Variants in LMTK2 observed in about 807,000 individuals in gnomAD.
The protein encoded by LMTK2 is lemur tail kinase 2.
In LMTK2, 37 loss-of-function variants were observed where a neutral mutation model predicts 127.5. The ratio of observed to expected loss-of-function variants is 0.29; its 90% confidence interval spans 0.22 to 0.38. The LOEUF (loss-of-function observed/expected upper bound fraction) is 0.38. LMTK2 is among the 10% of genes least tolerant of loss of function. The pLI is 1.00. For synonymous variants in LMTK2, 819 were observed against 810.1 expected (o/e 1.01, Z -0.19); for missense variants, 1,694 against 1,920.3 (o/e 0.88, Z 2.20).
rs1363623084 is a variant in LMTK2, at chr7:98,194,501, C to G, written c.4036C>G (p.Pro1346Ala). 3 of 1,613,468 alleles carry G rather than the reference C, an allele frequency of 1.9e-6. No homozygotes were observed. Among genetic ancestry groups the G allele is most frequent in the Admixed American group, 1.7e-5 (1 of 60,008 alleles). Residue 1346 changes from proline (P) to alanine (A), a missense_variant, in exon 11 of 14, where the codon CCC becomes GCC. By Grantham distance (27) the Pro-to-Ala change is conservative (BLOSUM62 -1). This residue lies in a region of LMTK2 where 554 missense variants were observed against 567.7 expected (regional missense o/e 0.98). Transcript: ENST00000297293. The surrounding 1 kb of genome is among the most constrained non-coding windows in gnomAD (Gnocchi z 5.4). Reference protein sequence around the residue: ...PTAANAPDPLPEDWKKEKKAV... With the variant: ...PTAANAPDPLAEDWKKEKKAV... ...AGCGGCCAATGCCCCCGACCCACTG[C>G]CCGAGGACTGGAAGAAGGAAAAGAA...
chr7:98,204,110 C>A lies in LMTK2; in HGVS notation c.4407C>A (p.Ser1469=), dbSNP rs200365227. The A allele has an allele frequency of 1.4e-5, 22 of 1,612,860 alleles. No homozygotes were observed. Among genetic ancestry groups the A allele is most frequent in the Non-Finnish European group, 1.8e-5 (21 of 1,180,030 alleles). ...EQSWPHSAPY[S]RFSISPANIA... Reference sequence around the variant, plus strand: ...GCTGGCCGCACTCGGCGCCTTACTCCCGGTTCTCCATCTCTCCCGCCAACA... The same window carrying A: ...GCTGGCCGCACTCGGCGCCTTACTCACGGTTCTCCATCTCTCCCGCCAACA... The change falls in exon 13 of 14, where the codon TCC becomes TCA. Residue 1469 remains serine, a synonymous_variant. Coordinates refer to ENST00000297293, the MANE Select transcript of LMTK2 (RefSeq NM_014916.4).
At chr7:98,176,564 G>A (rs191904218) in intron 7 of LMTK2, among the ~76,000 whole-genome samples, 87 of 152,226 alleles carry the variant, frequency 5.7e-4, no homozygotes, top group African/African-American at 2.0e-3. Flanking sequence ...ATAATAATAG[G>A]CCAGGCACAG....
intron 6 of LMTK2, among the ~76,000 whole-genome samples, chr7:98,169,189 C>T (rs1797148914): frequency 6.6e-6 from 1 of 152,176 alleles, no homozygotes; most frequent in Admixed American, 6.5e-5. Context: ...CCATGAGAAC[C>T]ATGACCAGGG....
intron 1 of LMTK2, among the ~76,000 whole-genome samples, chr7:98,123,582 A>G (rs1489539650): frequency 6.6e-6 from 1 of 151,928 alleles, no homozygotes. Flanking sequence ...AGATCTGAAC[A>G]GTTGTAAAGC....
intron 7 of LMTK2, among the ~76,000 whole-genome samples, chr7:98,182,864 A>G (rs931140364): frequency 1.3e-5 from 2 of 152,222 alleles, no homozygotes; most frequent in African/African-American, 2.4e-5. Flanking sequence ...AAGCTTTCCA[A>G]TTGTCTGAAT....
At chr7:98,164,012 A>T (rs1797052412) in intron 6 of LMTK2, among the ~76,000 whole-genome samples, 1 of 152,264 alleles carries the variant, frequency 6.6e-6, no homozygotes, top group Non-Finnish European at 1.5e-5. Context: ...TCTCCCAAGT[A>T]GAAAGGAGAA....
intron 1 of LMTK2, among the ~76,000 whole-genome samples, chr7:98,116,598 AT>A (rs1021821540): frequency 2.6e-5 from 4 of 151,862 alleles, no homozygotes; most frequent in African/African-American, 9.7e-5. Flanking sequence ...ACAATTTTAG[AT>A]TTACAGAAAC....
chr7:98,158,958 T>G (rs1487345187), intron 5 of LMTK2, among the ~76,000 whole-genome samples: 1 of 152,142 alleles, frequency 6.6e-6, no homozygotes, highest in African/African-American at 2.4e-5. Context: ...TTTGGCCAGC[T>G]GAGGTGGCAG....
rs975817256 is a variant in LMTK2 at position 98,159,395 on chromosome 7, C to T, written c.627C>T (p.Pro209=). 8.7e-6 allele frequency: 14 copies of T among 1,611,964 alleles called. No homozygotes were observed. Among genetic ancestry groups the T allele is most frequent in the Admixed American group, 1.7e-5 (1 of 59,646 alleles). ...TTGGACAGTGCGTAGAAGCGATTCC[C>T]TACCTCCTGGTGTTTGAGTTCTGTG... is the stretch of plus-strand genomic sequence containing the variant. ...QCVGQCVEAI[P]YLLVFEFCDL... is the part of the protein sequence containing the mutation. Residue 209 remains proline (P), a synonymous_variant, in exon 6 of 14, where the codon CCC becomes CCT. Coordinates refer to ENST00000297293, the MANE Select transcript of LMTK2 (RefSeq NM_014916.4).
At chr7:98,191,230 G>C (rs1375730623) in intron 10 of LMTK2, among the ~76,000 whole-genome samples, 1 of 152,126 alleles carries the variant, frequency 6.6e-6, no homozygotes, top group African/African-American at 2.4e-5. Context: ...TTACAAGTGT[G>C]AGCCAGGGTG....
intron 3 of LMTK2, among the ~76,000 whole-genome samples, chr7:98,149,560 A>C (rs923696976): frequency 6.6e-6 from 1 of 152,230 alleles, no homozygotes; most frequent in South Asian, 2.1e-4. Flanking sequence ...GAACAACTGG[A>C]TATTCATTGG....
rs374781981 is a variant in LMTK2 at position 98,152,642 on chromosome 7, G to T, written c.450+1187G>T. ...CACAGCAAACAGTCAATTGTGGGAG[G>T]TGGGCTCAGAGAGGTAGAGGGCAGG... On this transcript the variant is annotated intron_variant, in intron 4 of 13. Transcript: ENST00000297293. Among the ~76,000 whole-genome samples, 20 of 152,296 alleles carry T rather than the reference G, an allele frequency of 1.3e-4. No homozygotes were observed. In the East Asian group the frequency reaches 3.5e-3, roughly 26 times the overall value.
intron 1 of LMTK2, among the ~76,000 whole-genome samples, chr7:98,113,565 C>T (rs1796234541): frequency 6.6e-6 from 1 of 152,114 alleles, no homozygotes; most frequent in African/African-American, 2.4e-5. Context: ...CTGGCCCTTT[C>T]TCATTTAAAA....
chr7:98,118,906 CATG>C (rs1024108300), intron 1 of LMTK2, among the ~76,000 whole-genome samples: 1 of 152,092 alleles, frequency 6.6e-6, no homozygotes, highest in African/African-American at 2.4e-5. Context: ...TCCTGGCTAA[CATG>C]GTGAAACCGC....
At chr7:98,137,138 C>A (rs1431513284) in intron 1 of LMTK2, among the ~76,000 whole-genome samples, 177 bp from the exon 2 acceptor site, 3 of 152,176 alleles carry the variant, frequency 2.0e-5, no homozygotes, top group African/African-American at 7.2e-5. Flanking sequence ...CTCTGTAAAT[C>A]TAAATTATTT....
chr7:98,192,452 G>A lies in LMTK2; in HGVS notation c.1987G>A (p.Asp663Asn), dbSNP rs202036044. ...AATGGAATTAAACGGAGTTCAAGCC[G>A]ACTTTAAACCTGCCACTTTAAGTTC... ...DLMELNGVQA[D>N]FKPATLSSSL... Residue 663 changes from aspartate to asparagine, a missense_variant, in exon 11 of 14, where the codon GAC (aspartate) becomes AAC (asparagine). Asp to Asn is a conservative substitution (Grantham distance 23). Transcript: ENST00000297293. The A allele has an allele frequency of 1.4e-5, 23 of 1,612,844 alleles. No individual in the cohort carries two copies. Among genetic ancestry groups the A allele is most frequent in the Non-Finnish European group, 1.9e-5 (22 of 1,179,774 alleles).
At chr7:98,179,615 C>T (rs918168094) in intron 7 of LMTK2, among the ~76,000 whole-genome samples, 33 of 113,102 alleles carry the variant, frequency 2.9e-4, no homozygotes, top group Admixed American at 1.8e-3. Context: ...CCCTCCCTTT[C>T]TCCCTCCCTC....
chr7:98,122,235 C>CG (rs1438897007), intron 1 of LMTK2, among the ~76,000 whole-genome samples: 1 of 151,140 alleles, frequency 6.6e-6, no homozygotes, highest in Non-Finnish European at 1.5e-5. Context: ...GTTTTTGTTT[C>CG]GGGGGGTGCA....
intron 11 of LMTK2, among the ~76,000 whole-genome samples, chr7:98,197,546 C>T (rs142057756): frequency 2.0e-5 from 3 of 152,314 alleles, no homozygotes; most frequent in Admixed American, 6.5e-5. Flanking sequence ...CAGCCTGATC[C>T]GTCATACTGT....
Sources: allele counts gnomAD v4.1 joint callset (sites outside exome capture counted in the v4.1 genomes callset), GRCh38; gene constraint gnomAD v4.1.1; regional missense constraint gnomAD v4.1.1; non-coding constraint Gnocchi (gnomAD v3.1); transcripts MANE v1.5; gene names NCBI Gene and HGNC (gene_info 2026-07-23, HGNC 2026-07-21).